The following NTRK3 variants were observed in gnomAD, a reference collection of about 807,000 sequenced individuals.
The protein encoded by NTRK3 is NT-3 growth factor receptor.
Under a neutral mutation model 91.7 loss-of-function variants are expected in NTRK3, and 24 were observed. The observed-to-expected ratio is 0.26, with a 90% CI of 0.19 to 0.37. NTRK3 has a LOEUF of 0.37. NTRK3 is among the 10% of genes least tolerant of loss of function. The probability of loss-of-function intolerance (pLI) is 1.00; values close to 1 mark genes in which losing one functional copy is unlikely to be tolerated. For missense variants in NTRK3, 880 were observed against 1,068.9 expected, an observed-to-expected ratio of 0.82 and a Z score of 2.46; for synonymous variants, 483 against 404.0, an observed-to-expected ratio of 1.20 and a Z score of -2.34.
intron 13 of NTRK3, among the ~76,000 whole-genome samples, chr15:88,064,874 A>G (rs2046514209): frequency 6.6e-6 from 1 of 152,134 alleles, no homozygotes; most frequent in South Asian, 2.1e-4. Flanking sequence ...TAGTTTCCTG[A>G]CAGTTGAGAG....
chr15:88,117,628 A>T (rs541553722), intron 13 of NTRK3, among the ~76,000 whole-genome samples: 3 of 152,240 alleles, frequency 2.0e-5, no homozygotes, highest in African/African-American at 7.2e-5. Flanking sequence ...CTGTCTGGAA[A>T]TTCTAATCTT....
At chr15:88,019,949 G>T (rs1410111440) in intron 14 of NTRK3, among the ~76,000 whole-genome samples, 2 of 152,274 alleles carry the variant, frequency 1.3e-5, no homozygotes, top group East Asian at 3.9e-4. Flanking sequence ...TCAGACATAT[G>T]TACATTTGTG....
intron 13 of NTRK3, among the ~76,000 whole-genome samples, chr15:88,042,747 C>T (rs1267289671): frequency 1.3e-5 from 2 of 152,188 alleles, no homozygotes; most frequent in Admixed American, 6.5e-5. Flanking sequence ...CCCTTACCTC[C>T]CTTAATCATC....
intron 14 of NTRK3, among the ~76,000 whole-genome samples, chr15:87,969,141 T>C (rs1372702885): frequency 6.6e-6 from 1 of 152,124 alleles, no homozygotes; most frequent in African/African-American, 2.4e-5. Context: ...AGGGAACGAA[T>C]GAGAGATGAA....
At chr15:88,027,380 GT>G (rs1308800210) in intron 14 of NTRK3, among the ~76,000 whole-genome samples, 1 of 152,028 alleles carries the variant, frequency 6.6e-6, no homozygotes, top group Non-Finnish European at 1.5e-5. Flanking sequence ...CTCTCTGTGA[GT>G]TTCTTTTTCT....
At chr15:88,161,361 C>T (rs1023857519) in intron 5 of NTRK3, among the ~76,000 whole-genome samples, 1 of 152,138 alleles carries the variant, frequency 6.6e-6, no homozygotes, top group Non-Finnish European at 1.5e-5. Flanking sequence ...AGTCTGTGCC[C>T]TTTACTACCT....
intron 13 of NTRK3, among the ~76,000 whole-genome samples, chr15:88,122,011 A>G (rs1315338640): frequency 6.6e-6 from 1 of 152,192 alleles, no homozygotes; most frequent in Non-Finnish European, 1.5e-5. Context: ...TCTGGTTAAT[A>G]TATTCATCTC....
intron 14 of NTRK3, among the ~76,000 whole-genome samples, chr15:88,023,197 C>A (rs1187595749): frequency 1.3e-5 from 2 of 152,138 alleles, no homozygotes; most frequent in Non-Finnish European, 2.9e-5. Flanking sequence ...TGTATGTATA[C>A]TAAAGTTCAA....
At chr15:88,099,303 C>G (rs1271585177) in intron 13 of NTRK3, 1 of 216,606 alleles carries the variant, frequency 4.6e-6, no homozygotes, top group Admixed American at 5.8e-5. Flanking sequence ...AAACATGGTC[C>G]AGCTGATGAA....
intron 16 of NTRK3, among the ~76,000 whole-genome samples, chr15:87,930,449 G>A (rs566204201): frequency 4.9e-4 from 74 of 152,216 alleles, no homozygotes; most frequent in Non-Finnish European, 7.6e-4. Flanking sequence ...TTAAGTAGGA[G>A]CACATCCCTT....
intron 14 of NTRK3, among the ~76,000 whole-genome samples, chr15:87,964,480 T>C (rs2072609168): frequency 6.6e-6 from 1 of 151,958 alleles, no homozygotes; most frequent in Non-Finnish European, 1.5e-5. Flanking sequence ...TGTATATATA[T>C]ACAAACTTTA....
intron 5 of NTRK3, among the ~76,000 whole-genome samples, chr15:88,149,925 C>G (rs555052043): frequency 2.2e-4 from 34 of 152,350 alleles, no homozygotes; most frequent in African/African-American, 8.2e-4. Flanking sequence ...CTATGCACAA[C>G]AGCATCACGG....
chr15:87,925,628 A>G (rs1315366441), intron 17 of NTRK3: 3 of 206,814 alleles, frequency 1.5e-5, no homozygotes, highest in African/African-American at 6.8e-5. Flanking sequence ...CGATCTGACA[A>G]ATCAGAGCAT....
exon 19 of NTRK3, chr15:87,876,164 AG>A: frequency 4.3e-6 from 1 of 233,360 alleles, no homozygotes; most frequent in Non-Finnish European, 8.5e-6. Context: ...TTGCAACTCC[AG>A]CAAGAAGCTT....
At chr15:87,922,556 T>G (rs6496456) in intron 17 of NTRK3, among the ~76,000 whole-genome samples, 67,989 of 151,900 alleles carry the variant, frequency 0.45, 15,411 homozygotes, top group South Asian at 0.52. Flanking sequence ...GCCCTGAACC[T>G]TCAAAAAACA....
chr15:88,128,072 A>G (rs1172501437), intron 11 of NTRK3, among the ~76,000 whole-genome samples: 1 of 152,236 alleles, frequency 6.6e-6, no homozygotes, highest in Non-Finnish European at 1.5e-5. Context: ...ACACGAGGCA[A>G]AAATGGCAGC....
intron 17 of NTRK3, among the ~76,000 whole-genome samples, chr15:87,925,354 C>A (rs1366167257): frequency 1.3e-5 from 2 of 151,956 alleles, no homozygotes; most frequent in African/African-American, 4.8e-5. Context: ...AAAAGAAAGA[C>A]TATAAGGAGG....
chr15:87,981,317 C>T (rs1357886387), intron 14 of NTRK3: 4 of 1,605,106 alleles, frequency 2.5e-6, no homozygotes, highest in Non-Finnish European at 2.6e-6. Flanking sequence ...CTCTATTGTC[C>T]TTCAAGTTTA....
At chr15:87,958,294 G>C (rs533176100) in intron 14 of NTRK3, among the ~76,000 whole-genome samples, 10 of 152,246 alleles carry the variant, frequency 6.6e-5, no homozygotes, top group South Asian at 2.1e-4. Context: ...AGAAGAGTAA[G>C]ATAACTTCAG....
Sources: gnomAD v4.1 joint callset for allele counts (sites outside exome capture counted in the v4.1 genomes callset) on GRCh38, gnomAD v4.1.1 for gene constraint, MANE v1.5 for transcripts, NCBI Gene and HGNC (gene_info 2026-07-23, HGNC 2026-07-21) for gene names.